The following BLK variants were observed in gnomAD, a reference collection of about 807,000 sequenced individuals.
The protein encoded by BLK is BLK proto-oncogene, Src family tyrosine kinase, also known as tyrosine-protein kinase Blk.
In BLK, 64 loss-of-function variants were observed where a neutral mutation model predicts 61.8. The ratio of observed to expected loss-of-function variants is 1.03; its 90% CI spans 0.85 to 1.27. BLK has a LOEUF of 1.27. Ranked by LOEUF, BLK falls within the 50% of genes most tolerant of loss-of-function variation. The probability of loss-of-function intolerance (pLI) is 0.00; values close to 1 mark genes in which losing one functional copy is unlikely to be tolerated. For synonymous variants in BLK, 351 were observed against 272.0 expected (o/e 1.29, Z -2.86); for missense variants, 853 against 660.5 (o/e 1.29, Z -3.19).
intron 10 of BLK, 197 bp from the exon 11 acceptor site, chr8:11,561,105 A>G (rs1801487022): frequency 2.6e-6 from 2 of 768,276 alleles, no homozygotes; most frequent in Admixed American, 4.0e-5. Context: ...TCTGATGCCC[A>G]CGTTGCTGCG....
chr8:11,557,821 C>A (rs947643071), intron 9 of BLK, 141 bp from the exon 10 acceptor site: 2 of 717,712 alleles, frequency 2.8e-6, no homozygotes, highest in East Asian at 2.7e-5. Flanking sequence ...GTAGGTAGAT[C>A]CTTCCTGATG....
chr8:11,529,327 A>G (rs1799795746), intron 1 of BLK, among the ~76,000 whole-genome samples: 1 of 152,124 alleles, frequency 6.6e-6, no homozygotes, highest in Non-Finnish European at 1.5e-5. Context: ...AGTTTTTAAG[A>G]ATAATTTGGT....
intron 1 of BLK, among the ~76,000 whole-genome samples, chr8:11,527,036 A>T (rs928357928): frequency 6.6e-6 from 1 of 152,036 alleles, no homozygotes; most frequent in Non-Finnish European, 1.5e-5. Flanking sequence ...TGTCATTCTT[A>T]TTTGCAGTTT....
rs1417043093 is a variant in BLK, at chr8:11,564,014, G to A, written c.1424G>A (p.Ser475Asn). The change falls in exon 13 of 13, where the codon AGC (serine) becomes AAC (asparagine). Residue 475 changes from serine to asparagine, a missense_variant. Transcript: ENST00000259089. ...GGCGTCATCGCCGAGTGCTGGCGCA[G>A]CCGGCCCGAGGAGCGGCCCACCTTC... The part of the protein sequence containing the change: ...YRGVIAECWR[S>N]RPEERPTFEF... The A allele has an allele frequency of 6.2e-7, 1 of 1,605,110 alleles. No individual in the cohort carries two copies. The highest frequency in any genetic ancestry group is 2.2e-5 in the East Asian group (1 of 44,818).
intron 1 of BLK, among the ~76,000 whole-genome samples, chr8:11,529,844 G>A (rs1314614829): frequency 1.3e-5 from 2 of 152,146 alleles, no homozygotes; most frequent in African/African-American, 4.8e-5. Context: ...TTTTGCAGCG[G>A]CAGTTTCAAA....
intron 1 of BLK, among the ~76,000 whole-genome samples, chr8:11,528,998 C>T (rs757034646): frequency 7.2e-5 from 11 of 152,100 alleles, no homozygotes; most frequent in Admixed American, 1.3e-4. Flanking sequence ...GATGCTGGAC[C>T]GAATACTTAG....
At chr8:11,519,483 G>C (rs915408959) in intron 1 of BLK, among the ~76,000 whole-genome samples, 2 of 152,200 alleles carry the variant, frequency 1.3e-5, no homozygotes, top group Non-Finnish European at 2.9e-5. Context: ...GTAGGGAAAT[G>C]TCAAAAGTGG....
Position 11,561,431 on chromosome 8 carries a change from A to G in BLK, c.1159A>G (p.Ser387Gly). ...TTTTGGCTTGGCTCGAATCATCGACAGTGAATACACGGCCCAAGAGGGTAA... is the reference window on the plus strand; with the variant it reads ...TTTTGGCTTGGCTCGAATCATCGACGGTGAATACACGGCCCAAGAGGGTAA... ...ADFGLARIID[S>G]EYTAQEGAKF... Residue 387 changes from serine (S) to glycine (G), a missense_variant, in exon 11 of 13, where the codon AGT becomes GGT. Transcript: ENST00000259089. 2 of 1,614,050 alleles carry G rather than the reference A, an allele frequency of 1.2e-6. No homozygotes were observed. Among genetic ancestry groups the G allele is most frequent in the Non-Finnish European group, 1.7e-6 (2 of 1,180,004 alleles).
chr8:11,527,124 C>G (rs1799689246), intron 1 of BLK, among the ~76,000 whole-genome samples: 1 of 152,120 alleles, frequency 6.6e-6, no homozygotes, highest in Non-Finnish European at 1.5e-5. Context: ...GTCCTTAAGG[C>G]TTAATGTGGA....
chr8:11,494,919 G>A lies in BLK; in HGVS notation c.-2+328G>A, dbSNP rs1432524623. On this transcript the variant is annotated intron_variant, in intron 1 of 12. Transcript: ENST00000259089. Reference sequence around the variant, plus strand: ...GCGGGCACACACAGGCCACTGCTGCGCTCCCGGCGAGTCACTCGGCCTCTT... The same window carrying A: ...GCGGGCACACACAGGCCACTGCTGCACTCCCGGCGAGTCACTCGGCCTCTT... Among the ~76,000 whole-genome samples the A allele has an allele frequency of 3.9e-5, 6 of 152,250 alleles. No individual in the cohort carries two copies. In the East Asian group the frequency reaches 5.8e-4, roughly 15 times the overall value.
chr8:11,548,694 T>G (rs577838601), intron 4 of BLK, among the ~76,000 whole-genome samples: 22 of 152,296 alleles, frequency 1.4e-4, no homozygotes, highest in African/African-American at 5.3e-4. Flanking sequence ...TTCTATACAG[T>G]CCACGCCAAC....
At chr8:11,504,386 GAAAA>G (rs751237805) in intron 1 of BLK, among the ~76,000 whole-genome samples, 35,190 of 133,090 alleles carry the variant, frequency 0.26, 5,751 homozygotes, top group East Asian at 0.69. Flanking sequence ...GAAAAGAAAA[GAAAA>G]GAAAAGAAAA....
chr8:11,557,519 C>G (rs921587908), intron 9 of BLK, among the ~76,000 whole-genome samples: 5 of 152,214 alleles, frequency 3.3e-5, no homozygotes, highest in Non-Finnish European at 7.3e-5. Context: ...TGCACCAAAC[C>G]TGGGGGACAG....
chr8:11,541,242 T>C (rs1800364918), intron 1 of BLK, among the ~76,000 whole-genome samples: 1 of 152,188 alleles, frequency 6.6e-6, no homozygotes, highest in East Asian at 1.9e-4. Flanking sequence ...GACTCCAGCG[T>C]AGGCAACAGA....
intron 1 of BLK, among the ~76,000 whole-genome samples, chr8:11,502,048 T>C (rs2409781): frequency 0.35 from 53,794 of 152,110 alleles, 10,914 homozygotes; most frequent in East Asian, 0.69. Flanking sequence ...TTCAAGTTGC[T>C]AACATGACTT....
At chr8:11,501,221 A>C (rs546115572) in intron 1 of BLK, among the ~76,000 whole-genome samples, 1 of 152,298 alleles carries the variant, frequency 6.6e-6, no homozygotes, top group Non-Finnish European at 1.5e-5. Flanking sequence ...TGATACTTTT[A>C]ATTTTATTTA....
intron 1 of BLK, among the ~76,000 whole-genome samples, chr8:11,522,185 G>A (rs1376876246): frequency 1.3e-5 from 2 of 151,876 alleles, no homozygotes; most frequent in South Asian, 2.1e-4. Context: ...TTGGAAATGA[G>A]CTATAAAAAA....
intron 4 of BLK, 82 bp from the exon 5 acceptor site, chr8:11,548,941 TG>T: frequency 8.1e-7 from 1 of 1,239,006 alleles, no homozygotes. Flanking sequence ...CAGGGAGAGA[TG>T]ACTTTGAGGA....
intron 1 of BLK, among the ~76,000 whole-genome samples, chr8:11,520,172 C>T (rs900582714): frequency 2.0e-5 from 3 of 151,990 alleles, no homozygotes; most frequent in Non-Finnish European, 2.9e-5. Context: ...TGTGAAAAGA[C>T]AACTTAGCAT....
Sources: allele counts gnomAD v4.1 joint callset (sites outside exome capture counted in the v4.1 genomes callset), GRCh38; gene constraint gnomAD v4.1.1; transcripts MANE v1.5; gene names NCBI Gene and HGNC (gene_info 2026-07-23, HGNC 2026-07-21).